RGL4: variants seen among roughly 807,000 people sequenced by gnomAD.
RGL4 encodes the protein ral guanine nucleotide dissociation stimulator like 4, also known as ral-GDS-related protein.
A neutral mutation model predicts 49.6 loss-of-function variants in RGL4; 41 were observed. That is an observed-to-expected ratio of 0.83 (90% CI 0.64 to 1.07). The LOEUF is 1.07. RGL4 is among the 50% of genes least tolerant of loss of function. The pLI is 0.00. For missense variants in RGL4, 610 were observed against 591.9 expected (o/e 1.03, Z -0.32); for synonymous variants, 255 against 238.0 (o/e 1.07, Z -0.66).
At position 23,696,679 on chromosome 22, in the gene RGL4, G is replaced by A; in HGVS notation, c.1152G>A (p.Arg384=). The change falls in exon 7 of 11, where the codon AGG becomes AGA. Residue 384 remains arginine (R), a synonymous_variant. Coordinates refer to ENST00000290691, the MANE Select transcript of RGL4 (RefSeq NM_153615.2). ...AGAGAGTCCAGATGAGGCTGCGGAGGCAGAAGAAGGTGAGTGAGCCTGTGG... is the reference window on the plus strand; with the variant it reads ...AGAGAGTCCAGATGAGGCTGCGGAGACAGAAGAAGGTGAGTGAGCCTGTGG... ...NPQRVQMRLR[R]QKKGVVPFLG... The A allele has an allele frequency of 6.2e-7, 1 of 1,613,052 alleles. No homozygotes were observed. The highest frequency in any genetic ancestry group is 8.5e-7 in the Non-Finnish European group (1 of 1,179,686).
chr22:23,694,215 C>A, intron 4 of RGL4, 132 bp from the exon 5 acceptor site: 1 of 786,646 alleles, frequency 1.3e-6, no homozygotes, highest in Non-Finnish European at 2.2e-6. Context: ...ATCCACTCGG[C>A]CCCAGGTCTG....
At chr22:23,698,754 T>A in intron 10 of RGL4, 90 bp from the exon 11 acceptor site, 2 of 1,464,942 alleles carry the variant, frequency 1.4e-6, no homozygotes. Flanking sequence ...TGGGGACCAC[T>A]GGGGACCCAG....
chr22:23,696,632 GCCAC>G lies in RGL4; in HGVS notation c.1109_1112del (p.Thr370ArgfsTer10). The G allele has an allele frequency of 6.2e-7, 1 of 1,613,768 alleles. No homozygotes were observed. The highest frequency in any genetic ancestry group is 8.5e-7 in the Non-Finnish European group (1 of 1,179,880). On this transcript the variant is annotated frameshift_variant, in exon 7 of 11. Transcript: ENST00000290691. LOFTEE classifies it high-confidence loss of function. Reference sequence around the variant, plus strand: ...CTGGCAGGCGGGGAGCTTTAAGGTGGCCACCCAGGAGAGGAACCCCCAGAGAGTC... The same window carrying G: ...CTGGCAGGCGGGGAGCTTTAAGGTGGCCAGGAGAGGAACCCCCAGAGAGTC...
At position 23,698,539 on chromosome 22, in the gene RGL4, T is replaced by TGGG; in HGVS notation, c.1382+207_1382+208insGGG. 5 of 731,734 alleles carry TGGG rather than the reference T, an allele frequency of 6.8e-6. No homozygotes were observed. The South Asian group carries it at 7.5e-5, about 11-fold the overall frequency. 45.3% of individuals were successfully genotyped at this position (731,734 alleles called of 1,614,324 possible). A position where few individuals can be genotyped will look rare whatever the true frequency, so the allele number is the denominator to read the frequency against. The stretch of plus-strand genomic sequence containing the variant: ...CCACCATGTCCGGTTGTTCTGCTGT[T>TGGG]GTTGTTCTGGTACAGATGGGGTTTC... On this transcript the variant is annotated intron_variant, in intron 10 of 10. Coordinates refer to ENST00000290691, the MANE Select transcript of RGL4 (RefSeq NM_153615.2).
intron 9 of RGL4, 21 bp downstream of exon 9, chr22:23,697,882 C>G (rs770509912): frequency 6.2e-7 from 1 of 1,601,920 alleles, no homozygotes; most frequent in Non-Finnish European, 8.5e-7. Context: ...GGGGCACTCA[C>G]GTTGGATGAG....
chr22:23,692,583 A>G (rs1469758010), intron 2 of RGL4, 55 bp downstream of exon 2: 5 of 1,580,890 alleles, frequency 3.2e-6, no homozygotes, highest in Non-Finnish European at 4.3e-6. Flanking sequence ...TGGGGCTACA[A>G]TTCCCTTAAA....
chr22:23,693,754 C>G lies in RGL4; in HGVS notation c.697-5C>G. ...TGTCCGTGACACTCTCCTCCTCCCC[C>G]AAAGGAGCTGTTCAAGAAGGTGGTG... On this transcript the variant is annotated splice_region_variant and splice_polypyrimidine_tract_variant and intron_variant, in intron 3 of 10. Coordinates refer to ENST00000290691, the MANE Select transcript of RGL4 (RefSeq NM_153615.2). 2 of 1,612,734 alleles carry G rather than the reference C, an allele frequency of 1.2e-6. No homozygotes were observed. The highest frequency in any genetic ancestry group is 1.7e-6 in the Non-Finnish European group (2 of 1,178,858).
intron 9 of RGL4, 21 bp downstream of exon 9, chr22:23,697,882 C>T (rs770509912): frequency 7.3e-5 from 117 of 1,601,804 alleles, no homozygotes; most frequent in African/African-American, 1.3e-4. Flanking sequence ...GGGGCACTCA[C>T]GTTGGATGAG....
intron 9 of RGL4, 36 bp from the exon 10 acceptor site, chr22:23,698,176 C>T (rs1228207803): frequency 6.3e-7 from 1 of 1,586,016 alleles, no homozygotes; most frequent in Admixed American, 1.7e-5. Flanking sequence ...GCAACTTCCA[C>T]CCAGGCCCTG....
At chr22:23,695,263 G>A in intron 6 of RGL4, 1 of 477,392 alleles carries the variant, frequency 2.1e-6, no homozygotes. Context: ...GGCAATGGCT[G>A]CTGGGCTGCT....
intron 6 of RGL4, chr22:23,695,479 C>G: frequency 1.8e-6 from 1 of 541,336 alleles, no homozygotes; most frequent in East Asian, 6.8e-5. Flanking sequence ...CTGCTGCTGT[C>G]TGCAGCACAC....
chr22:23,696,761 C>T, intron 7 of RGL4, 73 bp downstream of exon 7: 2 of 1,354,182 alleles, frequency 1.5e-6, no homozygotes, highest in Admixed American at 2.0e-5. Context: ...CAGCTGGAGG[C>T]CTCCATATCA....
At chr22:23,694,060 G>C (rs890296000) in intron 4 of RGL4, 86 bp downstream of exon 4, 11 of 1,244,078 alleles carry the variant, frequency 8.8e-6, no homozygotes, top group Middle Eastern at 2.7e-4. Context: ...ATCGGCATCT[G>C]TATCTCTGGC....
intron 5 of RGL4, 50 bp from the exon 6 acceptor site, chr22:23,694,900 A>T (rs1340366632): frequency 6.9e-7 from 1 of 1,447,430 alleles, no homozygotes. Flanking sequence ...GGAACTCACA[A>T]ATCTCCCCTG....
chr22:23,693,730 GTCCGTGACACTC>G lies in RGL4; in HGVS notation c.697-25_697-14del, dbSNP rs1308802925. On this transcript the variant is annotated splice_polypyrimidine_tract_variant and intron_variant, in intron 3 of 10. Coordinates refer to ENST00000290691, the MANE Select transcript of RGL4 (RefSeq NM_153615.2). ...GTGACTCTGAGCTGCAGTGTGCTGT[GTCCGTGACACTC>G]TCCTCCTCCCCCAAAGGAGCTGTTC... The G allele has an allele frequency of 1.3e-6, 2 of 1,571,022 alleles. No homozygotes were observed. Among genetic ancestry groups the G allele is most frequent in the Non-Finnish European group, 1.8e-6 (2 of 1,141,274 alleles).
In RGL4 at chr22:23,693,773, G is replaced by C; in HGVS notation, c.711G>C (p.Lys237Asn). Reference sequence around the variant, plus strand: ...CTCCCCCAAAGGAGCTGTTCAAGAAGGTGGTGCTCCACGAATGCTTGGGCT... The same window carrying C: ...CTCCCCCAAAGGAGCTGTTCAAGAACGTGGTGCTCCACGAATGCTTGGGCT... ...LTLMDAELFK[K>N]VVLHECLGCI... The change falls in exon 4 of 11, where the codon AAG (lysine) becomes AAC (asparagine). Residue 237 changes from lysine to asparagine, a missense_variant. By Grantham distance (94) the Lys-to-Asn change is moderately conservative. Transcript: ENST00000290691. 7.4e-6 allele frequency: 12 copies of C among 1,614,054 alleles called. No homozygotes were observed. The highest frequency in any genetic ancestry group is 1.0e-5 in the Non-Finnish European group (12 of 1,179,982).
intron 3 of RGL4, among the ~76,000 whole-genome samples, chr22:23,693,523 ACT>A (rs1190157643): frequency 3.3e-5 from 5 of 151,400 alleles, no homozygotes; most frequent in Non-Finnish European, 7.4e-5. Flanking sequence ...AGAAAATGTC[ACT>A]CTCTCTTCCC....
chr22:23,698,643 C>T (rs1923685882), intron 10 of RGL4: 4 of 750,756 alleles, frequency 5.3e-6, no homozygotes, highest in South Asian at 1.6e-5. Context: ...ACTGACGTTA[C>T]AGGTGTGAGC....
Position 23,698,083 on chromosome 22 carries a change from A to C in RGL4, c.1261-129A>C, listed in dbSNP as rs947156897. ...GCTGTTTATATCCAACTCTGAGAAC[A>C]GGCTGGGGGCGCTGCATGGGACCCC... On this transcript the variant is annotated intron_variant, in intron 9 of 10. Transcript: ENST00000290691. 3.1e-6 allele frequency: 4 copies of C among 1,310,296 alleles called. No individual in the cohort carries two copies. In the African/African-American group the frequency reaches 5.9e-5, roughly 19 times the overall value. 81.2% of individuals were successfully genotyped at this position (1,310,296 alleles called of 1,614,324 possible). A position where few individuals can be genotyped will look rare whatever the true frequency, so the allele number is the denominator to read the frequency against.
Sources: allele counts gnomAD v4.1 joint callset (sites outside exome capture counted in the v4.1 genomes callset), GRCh38; gene constraint gnomAD v4.1.1; transcripts MANE v1.5; gene names NCBI Gene and HGNC (gene_info 2026-07-23, HGNC 2026-07-21).